CERS5: variants seen among roughly 807,000 people sequenced by gnomAD.
CERS5 encodes LAG1 homolog, ceramide synthase 5.
CERS5 carries 37 observed loss-of-function variants against 58.9 expected under a neutral mutation model. That is an observed-to-expected ratio of 0.63 (90% CI 0.48 to 0.83). The LOEUF is 0.83. Ranked by LOEUF, CERS5 falls within the 40% of genes least tolerant of loss-of-function variation. The pLI, the probability that CERS5 is intolerant of heterozygous loss-of-function variation, is 0.00. For synonymous variants in CERS5, 147 were observed against 177.8 expected, an observed-to-expected ratio of 0.83 and a Z score of 1.38; for missense variants, 398 against 489.3, an observed-to-expected ratio of 0.81 and a Z score of 1.76.
intron 3 of CERS5, 63 bp from the exon 4 acceptor site, chr12:50,142,173 G>A (rs369455834): frequency 4.5e-6 from 5 of 1,119,454 alleles, no homozygotes; most frequent in African/African-American, 3.2e-5. Flanking sequence ...CTGAGGCTAC[G>A]GAAGTCAAGA....
chr12:50,130,782 C>CCA, intron 9 of CERS5, 88 bp from the exon 10 acceptor site: 1 of 1,239,960 alleles, frequency 8.1e-7, no homozygotes, highest in Non-Finnish European at 1.1e-6. Flanking sequence ...CACTGTGTTC[C>CCA]CAGTCTGGTC....
intron 1 of CERS5, among the ~76,000 whole-genome samples, chr12:50,145,516 A>C (rs934245764): frequency 1.3e-5 from 2 of 152,178 alleles, no homozygotes; most frequent in African/African-American, 2.4e-5. Context: ...AGAATATATT[A>C]TCTCTAAAGG....
At chr12:50,133,402 C>T (rs1216916765) in intron 9 of CERS5, 5 of 1,030,758 alleles carry the variant, frequency 4.9e-6, no homozygotes, top group African/African-American at 1.7e-5. Context: ...TGAAACACTA[C>T]ATACCCATTC....
chr12:50,153,815 G>A (rs1397999563), intron 1 of CERS5: 13 of 368,750 alleles, frequency 3.5e-5, no homozygotes, highest in South Asian at 1.9e-4. Flanking sequence ...TTAACTGGGC[G>A]TGATGGCGCA....
chr12:50,150,639 G>A (rs945371576), intron 1 of CERS5, among the ~76,000 whole-genome samples: 3 of 152,118 alleles, frequency 2.0e-5, no homozygotes, highest in African/African-American at 4.8e-5. Flanking sequence ...AGGTCAGAAC[G>A]CTGGACAACA....
intron 8 of CERS5, chr12:50,135,467 A>G (rs145475703): frequency 1.5e-6 from 1 of 669,158 alleles, no homozygotes; most frequent in African/African-American, 1.8e-5. Context: ...CTCAGAGATG[A>G]GTCAGTCCTG....
intron 1 of CERS5, among the ~76,000 whole-genome samples, chr12:50,160,826 C>T (rs75912047): frequency 0.011 from 1,632 of 152,244 alleles, 35 homozygotes; most frequent in African/African-American, 0.037. Context: ...TTCAAAGAAG[C>T]AACAAGTGGA....
intron 1 of CERS5, among the ~76,000 whole-genome samples, chr12:50,160,088 T>C (rs1183649802): frequency 5.3e-5 from 8 of 151,360 alleles, no homozygotes; most frequent in Non-Finnish European, 1.2e-4. Context: ...GTAGATCACC[T>C]GAGGTCAGGA....
intron 1 of CERS5, 85 bp from the exon 2 acceptor site, chr12:50,144,142 G>A: frequency 1.3e-6 from 1 of 767,876 alleles, no homozygotes; most frequent in African/African-American, 1.7e-5. Context: ...ATATTTATGG[G>A]GTACAATGTG....
At chr12:50,166,035 G>A (rs1939838866) in intron 1 of CERS5, 3 of 431,158 alleles carry the variant, frequency 7.0e-6, no homozygotes, top group Non-Finnish European at 1.4e-5. Flanking sequence ...TTAGAAGCTG[G>A]CTCAAGGCCG....
chr12:50,162,242 G>A (rs1178793999), intron 1 of CERS5, among the ~76,000 whole-genome samples: 1 of 113,818 alleles, frequency 8.8e-6, no homozygotes, highest in Non-Finnish European at 1.8e-5. Context: ...AAATAAATTT[G>A]TTCTTCAAAT....
intron 1 of CERS5, among the ~76,000 whole-genome samples, chr12:50,152,307 C>G (rs1938055747): frequency 1.3e-5 from 2 of 152,178 alleles, no homozygotes; most frequent in Admixed American, 6.5e-5. Flanking sequence ...GTAGTGACAC[C>G]AAACCATACT....
intron 4 of CERS5, among the ~76,000 whole-genome samples, chr12:50,140,284 A>ATTTTTTTTTTTTTTTTTTTTTTTTTTTT (rs57651378): frequency 3.1e-5 from 3 of 96,250 alleles, no homozygotes; most frequent in African/African-American, 1.3e-4. Flanking sequence ...TAACTTCCAA[A>ATTTTTTTTTTTTTTTTTTTTTTTTTTTT]TTTTTTTTTT....
intron 1 of CERS5, among the ~76,000 whole-genome samples, chr12:50,156,437 T>TATATAA (rs1197474516): frequency 8.3e-5 from 9 of 108,882 alleles, no homozygotes; most frequent in Non-Finnish European, 1.4e-4. Context: ...TATATATATA[T>TATATAA]AAAACAATTA....
intron 1 of CERS5, among the ~76,000 whole-genome samples, chr12:50,163,709 G>C (rs1473214222): frequency 6.6e-6 from 1 of 151,964 alleles, no homozygotes; most frequent in African/African-American, 2.4e-5. Context: ...ACAGTGGTTT[G>C]ATCACGGCTC....
chr12:50,159,442 C>T (rs1939029968), intron 1 of CERS5, among the ~76,000 whole-genome samples: 1 of 152,252 alleles, frequency 6.6e-6, no homozygotes, highest in South Asian at 2.1e-4. Context: ...TTTAAAGGAA[C>T]ATCTAATACC....
At chr12:50,154,228 C>A in intron 1 of CERS5, 1 of 355,234 alleles carries the variant, frequency 2.8e-6, no homozygotes, top group South Asian at 2.1e-5. Flanking sequence ...TGGCACATGC[C>A]TGTAATCCTA....
intron 1 of CERS5, among the ~76,000 whole-genome samples, chr12:50,146,497 G>A (rs1265341027): frequency 6.6e-6 from 1 of 152,110 alleles, no homozygotes; most frequent in Admixed American, 6.6e-5. Flanking sequence ...TCCTGCCCTC[G>A]TTAGTTCAGA....
At chr12:50,147,813 TGCCACCCAG>T (rs896955589) in intron 1 of CERS5, among the ~76,000 whole-genome samples, 11 of 152,300 alleles carry the variant, frequency 7.2e-5, no homozygotes, top group Admixed American at 2.6e-4. Flanking sequence ...GGTCTCACTC[TGCCACCCAG>T]GCTGGAGTGC....
Sources: gnomAD v4.1 joint callset for allele counts (sites outside exome capture counted in the v4.1 genomes callset) on GRCh38, gnomAD v4.1.1 for gene constraint, MANE v1.5 for transcripts, NCBI Gene and HGNC (gene_info 2026-07-23, HGNC 2026-07-21) for gene names.